The following C1orf21 variants were observed in gnomAD, a reference collection of about 807,000 sequenced individuals.
C1orf21 encodes the protein chromosome 1 open reading frame 21.
C1orf21 carries 3 observed loss-of-function variants against 18.7 expected under a neutral mutation model. That is an observed-to-expected ratio of 0.16 (90% CI 0.07 to 0.42). The LOEUF is 0.42. C1orf21 is among the 10% of genes least tolerant of loss of function. The pLI, the probability that C1orf21 is intolerant of heterozygous loss-of-function variation, is 0.99. For synonymous variants in C1orf21, 41 were observed against 46.4 expected, an observed-to-expected ratio of 0.88 and a Z score of 0.47; for missense variants, 104 against 143.6, an observed-to-expected ratio of 0.72 and a Z score of 1.41.
At chr1:184,528,945 G>A (rs1658417359) in intron 3 of C1orf21, among the ~76,000 whole-genome samples, 2 of 152,162 alleles carry the variant, frequency 1.3e-5, no homozygotes, top group South Asian at 4.2e-4. Flanking sequence ...GGGATCATTG[G>A]ATTGATGAAT....
At position 184,410,637 on chromosome 1, in the gene C1orf21, ATATATATATATATATATATATATATAT is replaced by A. The variant is rs1382951519; in HGVS notation, c.-125+23271_-125+23297del. On this transcript the variant is annotated intron_variant, in intron 1 of 5. Coordinates refer to ENST00000235307, the MANE Select transcript of C1orf21 (RefSeq NM_030806.4). Reference sequence around the variant, plus strand: ...ATATATTATATATATATATATATATATATATATATATATATATATATATATATTTTTTTTTTTTTTTTTTGAGATGGA... The same window carrying A: ...ATATATTATATATATATATATATATATTTTTTTTTTTTTTTTTGAGATGGA... Among the ~76,000 whole-genome samples, 4 of 3,650 alleles carry A rather than the reference ATATATATATATATATATATATATATAT, an allele frequency of 1.1e-3. 1 individual carries two copies. Among genetic ancestry groups the A allele is most frequent in the Non-Finnish European group, 1.6e-3 (4 of 2,520 alleles). The allele number at this position is 3,650 out of a possible 152,430, so 2.4% of individuals were successfully genotyped here. A position where few individuals can be genotyped will look rare whatever the true frequency, so the allele number is the denominator to read the frequency against.
chr1:184,511,832 G>T (rs1373454313), intron 3 of C1orf21, among the ~76,000 whole-genome samples: 1 of 152,144 alleles, frequency 6.6e-6, no homozygotes, highest in Non-Finnish European at 1.5e-5. Context: ...TAGTGAAGGG[G>T]AGAAGAGCCC....
rs548689186 is a variant in C1orf21, at chr1:184,473,734, G to T, written c.-124-3652G>T. On this transcript the variant is annotated intron_variant, in intron 1 of 5. Transcript: ENST00000235307. ...TCTCTAACCTGACATTTCTTGATATGCTCCATTCCAAAGCTGAGCCAAATG... is the reference window on the plus strand; with the variant it reads ...TCTCTAACCTGACATTTCTTGATATTCTCCATTCCAAAGCTGAGCCAAATG... 1.2e-4 allele frequency among the ~76,000 whole-genome samples: 18 copies of T among 152,228 alleles called. 1 individual carries two copies. The South Asian group carries it at 3.7e-3, about 32-fold the overall frequency.
chr1:184,447,929 G>A (rs1426329961), intron 1 of C1orf21, among the ~76,000 whole-genome samples: 1 of 152,026 alleles, frequency 6.6e-6, no homozygotes, highest in Non-Finnish European at 1.5e-5. Context: ...CTCATTTCCT[G>A]ACCTCCGTCC....
intron 5 of C1orf21, among the ~76,000 whole-genome samples, chr1:184,617,268 C>G (rs1241038045): frequency 6.6e-6 from 1 of 152,126 alleles, no homozygotes; most frequent in Admixed American, 6.5e-5. Context: ...CATATATACA[C>G]TGGAGATGTC....
At chr1:184,551,009 A>G (rs1201777382) in intron 3 of C1orf21, among the ~76,000 whole-genome samples, 1 of 152,206 alleles carries the variant, frequency 6.6e-6, no homozygotes, top group African/African-American at 2.4e-5. Context: ...ACGAAGAGAA[A>G]CTTGCTATTT....
chr1:184,461,500 C>A (rs1346582085), intron 1 of C1orf21, among the ~76,000 whole-genome samples: 1 of 152,160 alleles, frequency 6.6e-6, no homozygotes, highest in East Asian at 1.9e-4. Context: ...AGAACCAGAG[C>A]CACTGGCCAG....
intron 1 of C1orf21, among the ~76,000 whole-genome samples, chr1:184,400,128 C>T (rs1036889095): frequency 3.3e-5 from 5 of 152,004 alleles, no homozygotes; most frequent in African/African-American, 9.7e-5. Context: ...CAGTGTGAGA[C>T]TCTTTAAATT....
chr1:184,512,069 A>ATG (rs1658158267), intron 3 of C1orf21, among the ~76,000 whole-genome samples: 1 of 152,208 alleles, frequency 6.6e-6, no homozygotes, highest in East Asian at 1.9e-4. Context: ...AAAGCCTCTT[A>ATG]AGACTCCAAG....
At chr1:184,474,138 T>C (rs1216121671) in intron 1 of C1orf21, among the ~76,000 whole-genome samples, 1 of 152,210 alleles carries the variant, frequency 6.6e-6, no homozygotes, top group Non-Finnish European at 1.5e-5. Flanking sequence ...TACTAAAATA[T>C]ATTCCTGATG....
chr1:184,596,854 G>T (rs1331801410), intron 4 of C1orf21, among the ~76,000 whole-genome samples: 1 of 145,380 alleles, frequency 6.9e-6, no homozygotes, highest in African/African-American at 2.6e-5. Context: ...CTGGGCGAAA[G>T]TGCGAGACGA....
chr1:184,498,943 C>T (rs1043721926), intron 2 of C1orf21, among the ~76,000 whole-genome samples: 1 of 152,196 alleles, frequency 6.6e-6, no homozygotes, highest in Non-Finnish European at 1.5e-5. Flanking sequence ...GATAACTGTG[C>T]CTTAGTTCCT....
chr1:184,420,527 T>C (rs1200052200), intron 1 of C1orf21, among the ~76,000 whole-genome samples: 1 of 152,160 alleles, frequency 6.6e-6, no homozygotes, highest in African/African-American at 2.4e-5. Context: ...AAGAAAGACA[T>C]CATTGCTAAG....
At chr1:184,564,370 G>A (rs542249511) in intron 3 of C1orf21, among the ~76,000 whole-genome samples, 38 of 152,256 alleles carry the variant, frequency 2.5e-4, no homozygotes, top group Non-Finnish European at 4.9e-4. Context: ...GAGCAATGGC[G>A]TGATCTCAGC....
intron 1 of C1orf21, among the ~76,000 whole-genome samples, chr1:184,433,837 C>A (rs1217606972): frequency 3.3e-5 from 5 of 152,160 alleles, no homozygotes; most frequent in African/African-American, 1.2e-4. Context: ...CTCTTTCAAT[C>A]CTAGGAACAA....
chr1:184,433,626 A>G (rs1469481951), intron 1 of C1orf21, among the ~76,000 whole-genome samples: 2 of 152,212 alleles, frequency 1.3e-5, no homozygotes, highest in African/African-American at 4.8e-5. Context: ...TTGTCACATT[A>G]TAAAATAGAA....
intron 1 of C1orf21, among the ~76,000 whole-genome samples, chr1:184,444,711 C>T (rs1023470712): frequency 3.9e-5 from 6 of 152,046 alleles, no homozygotes; most frequent in Admixed American, 3.9e-4. Flanking sequence ...ATCCTTCTGT[C>T]CATCTCACAA....
chr1:184,492,527 T>C (rs1259891316), intron 2 of C1orf21, among the ~76,000 whole-genome samples: 2 of 152,190 alleles, frequency 1.3e-5, no homozygotes, highest in Non-Finnish European at 1.5e-5. Flanking sequence ...TGGTCCAGAG[T>C]TGACCAAATT....
At chr1:184,491,923 C>G (rs1219382114) in intron 2 of C1orf21, among the ~76,000 whole-genome samples, 1 of 152,218 alleles carries the variant, frequency 6.6e-6, no homozygotes, top group Non-Finnish European at 1.5e-5. Context: ...GCTCTTCATT[C>G]TGAGGCGTAA....
Sources: allele counts gnomAD v4.1 joint callset (sites outside exome capture counted in the v4.1 genomes callset), GRCh38; gene constraint gnomAD v4.1.1; transcripts MANE v1.5; gene names NCBI Gene and HGNC (gene_info 2026-07-23, HGNC 2026-07-21).